The following ACSM2B variants were observed in gnomAD, a reference collection of about 807,000 sequenced individuals.
ACSM2B encodes acyl-coenzyme A synthetase ACSM2B, mitochondrial.
ACSM2B carries 58 observed loss-of-function variants against 78.6 expected under a neutral mutation model. That is an observed-to-expected ratio of 0.74 (90% CI 0.60 to 0.92). The LOEUF (loss-of-function observed/expected upper bound fraction) is 0.92, where lower values mean the gene tolerates loss of function less well. Among genes scored for constraint, ACSM2B ranks in the 40% least tolerant of loss-of-function variants. ACSM2B has a pLI of 0.00. For missense variants in ACSM2B, 688 were observed against 711.2 expected, an observed-to-expected ratio of 0.97 and a Z score of 0.37; for synonymous variants, 257 against 256.8, an observed-to-expected ratio of 1.00 and a Z score of -0.01.
Position 20,536,381 on chromosome 16 carries a change from G to A in ACSM2B, c.*877C>T, listed in dbSNP as rs1386255574. The A allele has an allele frequency of 2.0e-5, 3 of 152,120 alleles. No homozygotes were observed. The highest frequency in any genetic ancestry group is 2.9e-5 in the Non-Finnish European group (2 of 68,022). The allele number at this position is 152,120 out of a possible 1,614,324, so 9.4% of individuals were successfully genotyped here. A position where few individuals can be genotyped will look rare whatever the true frequency, so the allele number is the denominator to read the frequency against. The stretch of plus-strand genomic sequence containing the variant: ...TTTGTTCTCACAGCTATGATCTAAG[G>A]TCTGTAGATGCCACACACAGGTGAA... On this transcript the variant is annotated 3_prime_UTR_variant, in exon 14 of 14. Transcript: ENST00000329697.
At chr16:20,566,781 A>ATATAGATACAT (rs1221598647) in intron 1 of ACSM2B, among the ~76,000 whole-genome samples, 35 of 95,256 alleles carry the variant, frequency 3.7e-4, no homozygotes, top group African/African-American at 1.5e-3. Flanking sequence ...ATATAGATAC[A>ATATAGATACAT]ATATTTTGAA....
intron 5 of ACSM2B, among the ~76,000 whole-genome samples, chr16:20,553,508 C>G (rs187344536): frequency 6.6e-6 from 1 of 152,190 alleles, no homozygotes. Flanking sequence ...GGGAAATGCA[C>G]GTAAGCCTTT....
chr16:20,565,884 C>A (rs2015811228), intron 1 of ACSM2B, among the ~76,000 whole-genome samples: 1 of 151,856 alleles, frequency 6.6e-6, no homozygotes, highest in Non-Finnish European at 1.5e-5. Flanking sequence ...CAATGTATAA[C>A]TTAGCTCCCA....
At chr16:20,539,007 G>A (rs183752312) in intron 13 of ACSM2B, among the ~76,000 whole-genome samples, 10 of 152,204 alleles carry the variant, frequency 6.6e-5, no homozygotes, top group African/African-American at 2.2e-4. Context: ...CTCCTTCCCA[G>A]GGCAGCCTAC....
rs112182527 is a variant in ACSM2B at position 20,553,658 on chromosome 16, G to A, written c.740+119C>T. ...CCATGTCCTCTTTAGCTTTCCTTCT[G>A]AATTTTCTTTCTCAGAACCACAAGG... On this transcript the variant is annotated intron_variant, in intron 5 of 13. Coordinates refer to ENST00000329697, the MANE Select transcript of ACSM2B (RefSeq NM_001105069.2). The A allele has an allele frequency of 8.4e-5, 123 of 1,469,302 alleles. No homozygotes were observed. The African/African-American group carries it at 1.3e-3, about 15-fold the overall frequency. The allele number at this position is 1,469,302 out of a possible 1,614,324, so 91.0% of individuals were successfully genotyped here.
At chr16:20,566,763 A>C (rs2015901930) in intron 1 of ACSM2B, among the ~76,000 whole-genome samples, 2 of 89,612 alleles carry the variant, frequency 2.2e-5, no homozygotes, top group African/African-American at 9.2e-5. Context: ...TATATAGTAT[A>C]TATAGATATA....
At chr16:20,566,680 TAG>T (rs2015870799) in intron 1 of ACSM2B, among the ~76,000 whole-genome samples, 2 of 2,136 alleles carry the variant, frequency 9.4e-4, no homozygotes, top group African/African-American at 1.6e-3. Context: ...TATATACATA[TAG>T]TATATACTAT....
intron 9 of ACSM2B, among the ~76,000 whole-genome samples, chr16:20,545,997 C>A (rs1567206963): frequency 6.6e-6 from 1 of 152,086 alleles, no homozygotes; most frequent in Admixed American, 6.6e-5. Flanking sequence ...CTATTTAATA[C>A]TATATCATCA....
At chr16:20,560,357 T>C (rs1052958458) in intron 2 of ACSM2B, among the ~76,000 whole-genome samples, 4 of 152,120 alleles carry the variant, frequency 2.6e-5, no homozygotes, top group African/African-American at 9.6e-5. Flanking sequence ...CCCTCATGAA[T>C]GGCTTAGCAC....
At chr16:20,561,491 G>A (rs566531748) in intron 2 of ACSM2B, among the ~76,000 whole-genome samples, 2 of 151,670 alleles carry the variant, frequency 1.3e-5, no homozygotes, top group African/African-American at 2.4e-5. Context: ...CACTCATAAC[G>A]AAGGGGATGG....
At chr16:20,538,967 C>A (rs558420286) in intron 13 of ACSM2B, among the ~76,000 whole-genome samples, 2 of 152,210 alleles carry the variant, frequency 1.3e-5, no homozygotes. Context: ...ATTGCCTCAG[C>A]CAAAGACAGC....
intron 1 of ACSM2B, chr16:20,575,566 G>A (rs1180842856): frequency 3.3e-5 from 5 of 151,600 alleles, no homozygotes; most frequent in East Asian, 3.9e-4. Flanking sequence ...TGGGAAGCTA[G>A]GCCAGTCTCT....
chr16:20,569,425 G>A (rs1192142793), intron 1 of ACSM2B, among the ~76,000 whole-genome samples: 1 of 151,662 alleles, frequency 6.6e-6, no homozygotes, highest in African/African-American at 2.4e-5. Flanking sequence ...CTGTTCCATG[G>A]TTCTACGTGC....
chr16:20,572,509 C>T (rs542274833), intron 1 of ACSM2B, among the ~76,000 whole-genome samples: 10 of 137,624 alleles, frequency 7.3e-5, no homozygotes, highest in Admixed American at 4.1e-4. Context: ...TCTTAAGATT[C>T]TTTCCTTCAT....
At chr16:20,570,617 G>A (rs1248264465) in intron 1 of ACSM2B, among the ~76,000 whole-genome samples, 1 of 151,742 alleles carries the variant, frequency 6.6e-6, no homozygotes, top group Non-Finnish European at 1.5e-5. Context: ...TTGTGGAATA[G>A]CGTCGATAGG....
At chr16:20,554,933 G>A (rs906514553) in intron 4 of ACSM2B, among the ~76,000 whole-genome samples, 4 of 152,144 alleles carry the variant, frequency 2.6e-5, no homozygotes, top group Admixed American at 2.6e-4. Context: ...GCATGAGTGC[G>A]CAGCCCAGAA....
Position 20,537,067 on chromosome 16 carries a change from C to G in ACSM2B, c.*191G>C, listed in dbSNP as rs2014861639. 1.7e-6 allele frequency: 1 copy of G among 593,716 alleles called. No homozygotes were observed. Among genetic ancestry groups the G allele is most frequent in the Non-Finnish European group, 2.8e-6 (1 of 359,886 alleles). The allele number at this position is 593,716 out of a possible 1,614,324, so 36.8% of individuals were successfully genotyped here. On this transcript the variant is annotated 3_prime_UTR_variant, in exon 14 of 14. Transcript: ENST00000329697. ...TTTCTGTTACCCTCTCCTTTTCACT[C>G]TCTCTCATTCCTTCCCTTTCTTATT...
chr16:20,551,277 A>T (rs553515977), intron 6 of ACSM2B, among the ~76,000 whole-genome samples: 2 of 152,160 alleles, frequency 1.3e-5, no homozygotes, highest in East Asian at 3.9e-4. Context: ...GGGGTGTCTG[A>T]TATGAATTGG....
intron 13 of ACSM2B, among the ~76,000 whole-genome samples, chr16:20,539,677 A>G (rs955591191): frequency 4.0e-4 from 60 of 151,578 alleles, no homozygotes; most frequent in African/African-American, 1.4e-3. Context: ...TGGCCTGGCT[A>G]CAGGGATTCA....
Sources: allele counts gnomAD v4.1 joint callset (sites outside exome capture counted in the v4.1 genomes callset), GRCh38; gene constraint gnomAD v4.1.1; transcripts MANE v1.5; gene names NCBI Gene and HGNC (gene_info 2026-07-23, HGNC 2026-07-21).